RBFOX1: variants seen among roughly 807,000 people sequenced by gnomAD.
RBFOX1 encodes RNA binding protein fox-1 homolog 1.
Under a neutral mutation model 57.7 loss-of-function variants are expected in RBFOX1, and 8 were observed. That is an observed-to-expected ratio of 0.14 (90% CI 0.08 to 0.25). The LOEUF (loss-of-function observed/expected upper bound fraction) is 0.25. RBFOX1 is among the 10% of genes least tolerant of loss of function. The pLI, the probability that RBFOX1 is intolerant of heterozygous loss-of-function variation, is 1.00. For synonymous variants in RBFOX1, 326 were observed against 222.4 expected (o/e 1.47, Z -4.15); for missense variants, 611 against 548.5 (o/e 1.11, Z -1.14).
chr16:6,185,817 G>GT (rs1358739907), intron 1 of RBFOX1, among the ~76,000 whole-genome samples: 2 of 152,156 alleles, frequency 1.3e-5, no homozygotes, highest in Non-Finnish European at 2.9e-5. Flanking sequence ...GTTGATGAGC[G>GT]TGAGAGTAGG....
chr16:6,334,648 G>A (rs1351923159), intron 2 of RBFOX1, among the ~76,000 whole-genome samples: 2 of 152,194 alleles, frequency 1.3e-5, no homozygotes, highest in Non-Finnish European at 2.9e-5. Context: ...TCCAGGCTGA[G>A]TGAAATAAGA....
At chr16:6,952,488 A>T (rs1188266313) in intron 3 of RBFOX1, among the ~76,000 whole-genome samples, 2 of 151,828 alleles carry the variant, frequency 1.3e-5, no homozygotes, top group African/African-American at 2.4e-5. Context: ...CTCTACAAAA[A>T]ATTAGCAGGT....
rs373710286 is a variant in RBFOX1, at chr16:7,143,777, G to A, written c.27+91679G>A. On this transcript the variant is annotated intron_variant, in intron 4 of 15. Coordinates refer to ENST00000550418, the MANE Select transcript of RBFOX1 (RefSeq NM_018723.4). ...TATACTATTTAGCAGTGCTTACTGA[G>A]TATCTACACTGTGCTTACTGTGTAT... 8.0e-5 allele frequency among the ~76,000 whole-genome samples: 12 copies of A among 149,908 alleles called. 2 individuals carry two copies. The highest frequency in any genetic ancestry group is 5.3e-4 in the Admixed American group (8 of 15,092).
At chr16:7,568,882 C>CAAA (rs34858992) in intron 5 of RBFOX1, among the ~76,000 whole-genome samples, 971 of 77,084 alleles carry the variant, frequency 0.013, 58 homozygotes, top group Non-Finnish European at 0.017. Flanking sequence ...GACTCTGTCT[C>CAAA]AAAAAAAAAA....
intron 3 of RBFOX1, among the ~76,000 whole-genome samples, chr16:5,714,563 A>G (rs1221866168): frequency 6.6e-5 from 10 of 152,162 alleles, no homozygotes; most frequent in Admixed American, 3.9e-4. Flanking sequence ...AACCCTTACA[A>G]TCGAATGTCA....
At chr16:5,465,094 C>G in intron 1 of RBFOX1, among the ~76,000 whole-genome samples, 1 of 152,104 alleles carries the variant, frequency 6.6e-6, no homozygotes, top group South Asian at 2.1e-4. Flanking sequence ...CTCAGGCTGC[C>G]GTAACAAAGT....
intron 4 of RBFOX1, among the ~76,000 whole-genome samples, chr16:5,904,735 T>G (rs900895090): frequency 6.6e-6 from 1 of 151,946 alleles, no homozygotes; most frequent in Non-Finnish European, 1.5e-5. Context: ...CCCAGCACTT[T>G]GGGAGGCTGA....
chr16:5,804,418 A>C (rs2055161987), intron 3 of RBFOX1, among the ~76,000 whole-genome samples: 1 of 152,210 alleles, frequency 6.6e-6, no homozygotes, highest in African/African-American at 2.4e-5. Flanking sequence ...CGTTAGTGAA[A>C]TATCAAAAGA....
At chr16:5,765,562 G>T (rs915347793) in intron 3 of RBFOX1, among the ~76,000 whole-genome samples, 1 of 152,212 alleles carries the variant, frequency 6.6e-6, no homozygotes, top group South Asian at 2.1e-4. Context: ...CACACAGAGA[G>T]TGCTTAATAA....
intron 1 of RBFOX1, among the ~76,000 whole-genome samples, chr16:6,173,413 C>T (rs2096976897): frequency 1.3e-5 from 2 of 152,152 alleles, no homozygotes; most frequent in Admixed American, 6.5e-5. Context: ...TATTTGCAGT[C>T]ATATGCATCA....
At chr16:7,194,805 G>A (rs967242129) in intron 4 of RBFOX1, among the ~76,000 whole-genome samples, 5 of 151,950 alleles carry the variant, frequency 3.3e-5, no homozygotes, top group African/African-American at 1.2e-4. Context: ...GTGCATGCCT[G>A]TGGTTCTCGC....
intron 2 of RBFOX1, among the ~76,000 whole-genome samples, chr16:6,354,053 C>G (rs1419777380): frequency 6.6e-6 from 1 of 152,104 alleles, no homozygotes; most frequent in African/African-American, 2.4e-5. Context: ...GACCCCGTCT[C>G]TACCAAAAAT....
At chr16:7,658,708 G>C (rs1362442067) in intron 12 of RBFOX1, among the ~76,000 whole-genome samples, 1 of 152,102 alleles carries the variant, frequency 6.6e-6, no homozygotes, top group African/African-American at 2.4e-5. Context: ...GAGTACAATG[G>C]GGTGCTCTAA....
At chr16:5,989,040 G>T (rs2060335112) in intron 4 of RBFOX1, among the ~76,000 whole-genome samples, 2 of 151,926 alleles carry the variant, frequency 1.3e-5, no homozygotes, top group Admixed American at 1.3e-4. Flanking sequence ...TTAATTACAA[G>T]CCAGGCGCGG....
Position 6,097,658 on chromosome 16 carries a change from T to G in RBFOX1, c.-127+77666T>G, listed in dbSNP as rs2096261408. ...AAAAGTGATTGACTCAAGTGCTTAA[T>G]AAGTGTCTAAGCTAGGATTTGACCC... On this transcript the variant is annotated intron_variant, in intron 1 of 15. Transcript: ENST00000550418. This position sits in a 1 kb window ranked among gnomAD's most constrained non-coding sequence, Gnocchi z 5.0. Among the ~76,000 whole-genome samples the G allele has an allele frequency of 6.6e-6, 1 of 152,142 alleles. No homozygotes were observed. Among genetic ancestry groups the G allele is most frequent in the South Asian group, 2.1e-4 (1 of 4,826 alleles).
intron 3 of RBFOX1, among the ~76,000 whole-genome samples, chr16:5,730,043 A>C (rs765550524): frequency 6.6e-6 from 1 of 152,136 alleles, no homozygotes; most frequent in South Asian, 2.1e-4. Flanking sequence ...ACTCAATTCC[A>C]CTTTGAGTAT....
In RBFOX1 at chr16:7,513,469, A is replaced by G. The variant is rs148386561; in HGVS notation, c.28-4678A>G. Among the ~76,000 whole-genome samples, 8 of 152,244 alleles carry G rather than the reference A, an allele frequency of 5.3e-5. No individual in the cohort carries two copies. The East Asian group carries it at 1.4e-3, about 26-fold the overall frequency. On this transcript the variant is annotated intron_variant, in intron 4 of 15. Transcript: ENST00000550418. The stretch of plus-strand genomic sequence containing the variant: ...CAAGGTAAATTGAGATTAGAGATGC[A>G]TTGCATGAAAAGTAGGGATTCTGGA...
chr16:5,456,194 C>T (rs2068627052), intron 1 of RBFOX1, among the ~76,000 whole-genome samples: 1 of 151,942 alleles, frequency 6.6e-6, no homozygotes, highest in Non-Finnish European at 1.5e-5. Context: ...TTCTCCATGC[C>T]ACTAGACAAA....
chr16:7,023,353 G>C (rs1487983750), intron 3 of RBFOX1, among the ~76,000 whole-genome samples: 2 of 151,438 alleles, frequency 1.3e-5, no homozygotes, highest in Non-Finnish European at 2.9e-5. Context: ...CCAGCTACTT[G>C]GGAGGCTGAG....
Sources: allele counts gnomAD v4.1 joint callset (sites outside exome capture counted in the v4.1 genomes callset), GRCh38; gene constraint gnomAD v4.1.1; non-coding constraint Gnocchi (gnomAD v3.1); transcripts MANE v1.5; gene names NCBI Gene and HGNC (gene_info 2026-07-23, HGNC 2026-07-21).